The following GRIK2 variants were observed in gnomAD, a reference collection of about 807,000 sequenced individuals.
The protein encoded by GRIK2 is glutamate ionotropic receptor kainate type subunit 2, also known as glutamate receptor ionotropic, kainate 2.
GRIK2 carries 32 observed loss-of-function variants against 100.3 expected under a neutral mutation model. The ratio of observed to expected loss-of-function variants is 0.32; its 90% CI spans 0.24 to 0.43. The LOEUF (loss-of-function observed/expected upper bound fraction) is 0.43, where lower values mean the gene tolerates loss of function less well. Among genes scored for constraint, GRIK2 ranks in the 20% least tolerant of loss-of-function variants. GRIK2 has a pLI of 1.00. For missense variants in GRIK2, 843 were observed against 1,114.9 expected (o/e 0.76, Z 3.47); for synonymous variants, 417 against 389.4 (o/e 1.07, Z -0.83).
At chr6:101,953,290 A>G (rs941092854) in intron 14 of GRIK2, among the ~76,000 whole-genome samples, 13 of 152,044 alleles carry the variant, frequency 8.6e-5, no homozygotes, top group Admixed American at 8.5e-4. Context: ...TATAAGCAGA[A>G]TTCATGGGTC....
At chr6:101,487,746 C>A (rs966374530) in intron 2 of GRIK2, among the ~76,000 whole-genome samples, 3 of 146,216 alleles carry the variant, frequency 2.1e-5, no homozygotes, top group Admixed American at 1.4e-4. Flanking sequence ...GTAATTATAG[C>A]TTTTTTGTTC....
At chr6:102,055,118 T>A (rs1332205875) in intron 15 of GRIK2, among the ~76,000 whole-genome samples, 2 of 152,166 alleles carry the variant, frequency 1.3e-5, no homozygotes, top group African/African-American at 4.8e-5. Flanking sequence ...TAAAACAAAA[T>A]TCATTTAATT....
chr6:102,056,832 G>T (rs1166639047), intron 16 of GRIK2, among the ~76,000 whole-genome samples: 1 of 151,872 alleles, frequency 6.6e-6, no homozygotes, highest in Non-Finnish European at 1.5e-5. Context: ...TGACACTGAG[G>T]AATGTTATCA....
chr6:102,027,819 T>C (rs1769782384), intron 14 of GRIK2, among the ~76,000 whole-genome samples: 1 of 151,064 alleles, frequency 6.6e-6, no homozygotes, highest in Non-Finnish European at 1.5e-5. Context: ...AGGTGAGGAA[T>C]CCATTTGTGT....
At chr6:101,546,290 G>C (rs1379341448) in intron 2 of GRIK2, among the ~76,000 whole-genome samples, 4 of 152,150 alleles carry the variant, frequency 2.6e-5, no homozygotes, top group Non-Finnish European at 2.9e-5. Context: ...AAATATTTCT[G>C]TCTTGGGACA....
chr6:102,030,682 T>A (rs1320517404), intron 14 of GRIK2, among the ~76,000 whole-genome samples: 1 of 151,214 alleles, frequency 6.6e-6, no homozygotes, highest in Non-Finnish European at 1.5e-5. Flanking sequence ...CTTCTCTGTT[T>A]ACTCTTTTTA....
At chr6:101,538,980 A>T (rs994840771) in intron 2 of GRIK2, among the ~76,000 whole-genome samples, 1 of 151,672 alleles carries the variant, frequency 6.6e-6, no homozygotes, top group Non-Finnish European at 1.5e-5. Flanking sequence ...AACGTGTCAG[A>T]TATAGTACCA....
At chr6:101,874,428 C>T (rs1050470804) in intron 11 of GRIK2, among the ~76,000 whole-genome samples, 7 of 151,786 alleles carry the variant, frequency 4.6e-5, no homozygotes, top group South Asian at 4.2e-4. Context: ...ATTATTTGTG[C>T]GGGCTGCGTT....
chr6:101,702,015 G>C (rs1772933608), intron 7 of GRIK2, among the ~76,000 whole-genome samples: 1 of 151,688 alleles, frequency 6.6e-6, no homozygotes, highest in African/African-American at 2.4e-5. Context: ...ACCATCAGGA[G>C]GCTACTATCA....
At chr6:101,523,477 A>T (rs541136796) in intron 2 of GRIK2, among the ~76,000 whole-genome samples, 1 of 152,336 alleles carries the variant, frequency 6.6e-6, no homozygotes, top group Admixed American at 6.5e-5. Context: ...ATTCTGGATC[A>T]TGAACTGTAT....
chr6:101,608,504 A>G (rs940226438), intron 2 of GRIK2, among the ~76,000 whole-genome samples: 10 of 151,932 alleles, frequency 6.6e-5, no homozygotes, highest in Non-Finnish European at 1.2e-4. Context: ...ACTAATAGAA[A>G]TATACAAAAT....
At chr6:101,496,538 A>G (rs1307295313) in intron 2 of GRIK2, among the ~76,000 whole-genome samples, 1 of 152,196 alleles carries the variant, frequency 6.6e-6, no homozygotes, top group Non-Finnish European at 1.5e-5. Flanking sequence ...TGCATGATAT[A>G]TATTTTGTCA....
At chr6:101,961,463 C>T (rs1285285524) in intron 14 of GRIK2, among the ~76,000 whole-genome samples, 3 of 152,126 alleles carry the variant, frequency 2.0e-5, no homozygotes, top group Non-Finnish European at 4.4e-5. Context: ...ACGCCCCCCA[C>T]GAAAGAACAG....
At chr6:101,699,308 T>A (rs1211384362) in intron 7 of GRIK2, among the ~76,000 whole-genome samples, 1 of 152,104 alleles carries the variant, frequency 6.6e-6, no homozygotes, top group Non-Finnish European at 1.5e-5. Flanking sequence ...CACTCATCAC[T>A]AGTACTAGAG....
In GRIK2 at chr6:101,713,232, A is replaced by G. The variant is rs1161689504; in HGVS notation, c.951+26879A>G. On this transcript the variant is annotated intron_variant, in intron 7 of 16. Coordinates refer to ENST00000369134, the MANE Select transcript of GRIK2 (RefSeq NM_021956.5). The stretch of plus-strand genomic sequence containing the variant: ...CCATTAATAAACTTAGAGGCATGGT[A>G]TCTGTCATCATTACTGATTTGTATG... Among the ~76,000 whole-genome samples, 3 of 151,674 alleles carry G rather than the reference A, an allele frequency of 2.0e-5. No individual in the cohort carries two copies. In the East Asian group the frequency reaches 5.9e-4, roughly 30 times the overall value.
chr6:101,624,290 G>A (rs1283100002), intron 3 of GRIK2, among the ~76,000 whole-genome samples: 1 of 151,994 alleles, frequency 6.6e-6, no homozygotes, highest in Non-Finnish European at 1.5e-5. Context: ...TCACAAACCT[G>A]GTGAAGGAAG....
intron 14 of GRIK2, among the ~76,000 whole-genome samples, chr6:102,006,524 C>A (rs1392662674): frequency 6.6e-6 from 1 of 151,502 alleles, no homozygotes; most frequent in Non-Finnish European, 1.5e-5. Flanking sequence ...TACACCTCCA[C>A]TCCTGGCTAA....
At chr6:101,755,316 G>A (rs966975326) in intron 7 of GRIK2, among the ~76,000 whole-genome samples, 3 of 151,746 alleles carry the variant, frequency 2.0e-5, no homozygotes, top group Admixed American at 6.6e-5. Context: ...ACAGGCGCCC[G>A]CCACCACGCC....
intron 2 of GRIK2, among the ~76,000 whole-genome samples, chr6:101,522,674 T>C (rs1233907497): frequency 1.3e-5 from 2 of 152,026 alleles, no homozygotes; most frequent in Non-Finnish European, 2.9e-5. Flanking sequence ...AAATGAAACA[T>C]TTTCTTGTCT....
Sources: gnomAD v4.1 joint callset for allele counts (sites outside exome capture counted in the v4.1 genomes callset) on GRCh38, gnomAD v4.1.1 for gene constraint, MANE v1.5 for transcripts, NCBI Gene and HGNC (gene_info 2026-07-23, HGNC 2026-07-21) for gene names.